Variants in DPP6 observed in about 807,000 individuals in gnomAD.
DPP6 encodes dipeptidyl peptidase like 6, also known as A-type potassium channel modulatory protein DPP6.
DPP6 carries 69 observed loss-of-function variants against 122.6 expected under a neutral mutation model. The ratio of observed to expected loss-of-function variants is 0.56; its 90% confidence interval spans 0.46 to 0.69. DPP6 has a LOEUF of 0.69. Ranked by LOEUF, DPP6 falls within the 30% of genes least tolerant of loss-of-function variation. The pLI is 0.00. For synonymous variants in DPP6, 418 were observed against 433.1 expected, an observed-to-expected ratio of 0.97 and a Z score of 0.43; for missense variants, 928 against 1,116.9, an observed-to-expected ratio of 0.83 and a Z score of 2.41.
chr7:154,261,341 G>A (rs901125760), intron 1 of DPP6, among the ~76,000 whole-genome samples: 1 of 152,148 alleles, frequency 6.6e-6, no homozygotes, highest in Non-Finnish European at 1.5e-5. Context: ...GCTACATGTA[G>A]GAGAACGAAA....
At chr7:154,675,973 C>T (rs995407921) in intron 7 of DPP6, among the ~76,000 whole-genome samples, 3 of 152,220 alleles carry the variant, frequency 2.0e-5, no homozygotes, top group African/African-American at 7.2e-5. Flanking sequence ...GGGGTCATTC[C>T]GTACTTGCTT....
intron 1 of DPP6, among the ~76,000 whole-genome samples, chr7:154,024,438 T>A (rs1352669296): frequency 6.6e-6 from 1 of 151,696 alleles, no homozygotes; most frequent in Non-Finnish European, 1.5e-5. Flanking sequence ...GATGATCAGT[T>A]TTTTTTTTCC....
At chr7:154,830,673 G>T (rs1394900469) in intron 16 of DPP6, among the ~76,000 whole-genome samples, 2 of 152,160 alleles carry the variant, frequency 1.3e-5, no homozygotes, top group African/African-American at 4.8e-5. Context: ...GGGTTGTCCC[G>T]GCCTTAATCG....
rs569733365 is a variant in DPP6 at position 154,142,930 on chromosome 7, A to G, written c.243+89867A>G. 5.6e-3 allele frequency among the ~76,000 whole-genome samples: 781 copies of G among 138,604 alleles called. 9 individuals are homozygous for G. The highest frequency in any genetic ancestry group is 0.02 in the African/African-American group (733 of 36,516). 90.9% of individuals were successfully genotyped at this position (138,604 alleles called of 152,430 possible). On this transcript the variant is annotated intron_variant, in intron 1 of 25. Transcript: ENST00000377770. The stretch of plus-strand genomic sequence containing the variant: ...AGCCATAAATGAAGTTCAGAATTGG[A>G]CACACCTTCACAGTCTTCCATATGC...
At chr7:153,890,782 C>G (rs1459648332) in intron 1 of DPP6, among the ~76,000 whole-genome samples, 1 of 144,974 alleles carries the variant, frequency 6.9e-6, no homozygotes, top group Non-Finnish European at 1.5e-5. Context: ...ACTCCTCCCC[C>G]AGGGTTCAAG....
At position 154,235,850 on chromosome 7, in the gene DPP6, TTTTA is replaced by T. The variant is rs879280411; in HGVS notation, c.243+182803_243+182806del. Among the ~76,000 whole-genome samples, 82 of 152,142 alleles carry T rather than the reference TTTTA, an allele frequency of 5.4e-4. 2 individuals are homozygous for T. In the Middle Eastern group the frequency reaches 0.014, roughly 25 times the overall value. Reference sequence around the variant, plus strand: ...TGTTACCTCAGTTTTCTTATCTTTATTTTATTTATTTATTTATTTTGAGACAAAG... The same window carrying T: ...TGTTACCTCAGTTTTCTTATCTTTATTTTATTTATTTATTTTGAGACAAAG... On this transcript the variant is annotated intron_variant, in intron 1 of 25. Coordinates refer to ENST00000377770, the MANE Select transcript of DPP6 (RefSeq NM_130797.4).
intron 1 of DPP6, among the ~76,000 whole-genome samples, chr7:153,920,161 A>G (rs1462543752): frequency 1.3e-5 from 2 of 152,258 alleles, no homozygotes; most frequent in East Asian, 3.9e-4. Flanking sequence ...GATCTAGCCA[A>G]CAGGCTGTTG....
chr7:154,819,415 CAATA>C (rs768861391), intron 16 of DPP6, among the ~76,000 whole-genome samples: 6 of 149,102 alleles, frequency 4.0e-5, no homozygotes, highest in African/African-American at 1.2e-4. Flanking sequence ...AACTCTGTCT[CAATA>C]AATAAATAAA....
chr7:154,840,779 G>C (rs1282446943), intron 16 of DPP6, among the ~76,000 whole-genome samples: 1 of 152,086 alleles, frequency 6.6e-6, no homozygotes, highest in Non-Finnish European at 1.5e-5. Context: ...CAAAAGCAAA[G>C]CTAACCTCTA....
intron 1 of DPP6, among the ~76,000 whole-genome samples, chr7:154,077,951 G>T (rs1215743759): frequency 6.6e-6 from 1 of 152,066 alleles, no homozygotes; most frequent in Non-Finnish European, 1.5e-5. Context: ...TTACAGGCAT[G>T]AGCTACTGCT....
intron 1 of DPP6, among the ~76,000 whole-genome samples, chr7:154,035,464 T>G (rs1172036592): frequency 6.6e-6 from 1 of 152,242 alleles, no homozygotes; most frequent in Non-Finnish European, 1.5e-5. Context: ...GATGTCTCCC[T>G]TATGCTACTG....
intron 3 of DPP6, among the ~76,000 whole-genome samples, chr7:154,482,599 A>G (rs1465037284): frequency 6.6e-6 from 1 of 152,228 alleles, no homozygotes; most frequent in African/African-American, 2.4e-5. Context: ...AATAATACTA[A>G]GTGTATTAAG....
At chr7:154,448,523 A>T (rs1195604424) in intron 2 of DPP6, among the ~76,000 whole-genome samples, 2 of 152,186 alleles carry the variant, frequency 1.3e-5, no homozygotes, top group African/African-American at 4.8e-5. Context: ...GTGCAGATTC[A>T]ACCAAATCTC....
chr7:153,998,188 G>T (rs1214330648), intron 1 of DPP6, among the ~76,000 whole-genome samples: 1 of 151,746 alleles, frequency 6.6e-6, no homozygotes, highest in Non-Finnish European at 1.5e-5. Context: ...AGATAGAAGG[G>T]AAAAAAAGGA....
rs3115155 is a variant in DPP6 at position 154,147,338 on chromosome 7, A to T, written c.243+94275A>T. Among the ~76,000 whole-genome samples the T allele has an allele frequency of 2.8e-3, 423 of 151,876 alleles. 2 individuals carry two copies. The highest frequency in any genetic ancestry group is 0.016 in the South Asian group (77 of 4,812). On this transcript the variant is annotated intron_variant, in intron 1 of 25. Transcript: ENST00000377770. The stretch of plus-strand genomic sequence containing the variant: ...TGTCTTCCTGTGGATGAATACATGC[A>T]TAAACATAAGAATAAAGGCAAAAGT...
chr7:154,665,514 G>T lies in DPP6; in HGVS notation c.681-3846G>T, dbSNP rs77882649. On this transcript the variant is annotated intron_variant, in intron 6 of 25. Coordinates refer to ENST00000377770, the MANE Select transcript of DPP6 (RefSeq NM_130797.4). ...TTTTTTTAGTATTCCATTGCTTTCT[G>T]GTTTCCTAAAATATTCCTGACTCAT... 5.9e-3 allele frequency among the ~76,000 whole-genome samples: 905 copies of T among 152,114 alleles called. 7 individuals carry two copies. Among genetic ancestry groups the T allele is most frequent in the South Asian group, 0.015 (70 of 4,804 alleles).
chr7:154,826,847 G>T (rs578173207), intron 16 of DPP6, among the ~76,000 whole-genome samples: 5 of 152,152 alleles, frequency 3.3e-5, no homozygotes, highest in Non-Finnish European at 7.3e-5. Context: ...TGTTACATCT[G>T]CTTTCACTTT....
chr7:154,262,324 G>C (rs1254995662), intron 1 of DPP6, among the ~76,000 whole-genome samples: 1 of 152,120 alleles, frequency 6.6e-6, no homozygotes, highest in Non-Finnish European at 1.5e-5. Context: ...CTTTAAAGAG[G>C]TAATTAGGTT....
chr7:153,834,227 C>T, the DPP6 span, among the ~76,000 whole-genome samples: 1 of 150,822 alleles, frequency 6.6e-6, no homozygotes, highest in Non-Finnish European at 1.5e-5. Context: ...GCAGAGGTTG[C>T]AGTGAGCTGA....
Sources: gnomAD v4.1 joint callset for allele counts (sites outside exome capture counted in the v4.1 genomes callset) on GRCh38, gnomAD v4.1.1 for gene constraint, MANE v1.5 for transcripts, NCBI Gene and HGNC (gene_info 2026-07-23, HGNC 2026-07-21) for gene names.